SLIT3: variants seen among roughly 807,000 people sequenced by gnomAD.
SLIT3 encodes slit homolog 3 protein.
Under a neutral mutation model 184.0 loss-of-function variants are expected in SLIT3, and 68 were observed. The ratio of observed to expected loss-of-function variants is 0.37; its 90% CI spans 0.30 to 0.45. The LOEUF is 0.45. SLIT3 is among the 20% of genes least tolerant of loss of function. The probability of loss-of-function intolerance (pLI) is 1.00; values close to 1 mark genes in which losing one functional copy is unlikely to be tolerated. For synonymous variants in SLIT3, 831 were observed against 828.6 expected, an observed-to-expected ratio of 1.00 and a Z score of -0.05; for missense variants, 1,707 against 2,026.0, an observed-to-expected ratio of 0.84 and a Z score of 3.02.
chr5:169,197,345 C>A lies in SLIT3; in HGVS notation c.342-3795G>T, dbSNP rs545268318. 2.1e-4 allele frequency among the ~76,000 whole-genome samples: 32 copies of A among 152,164 alleles called. No homozygotes were observed. The East Asian group carries it at 4.1e-3, about 19-fold the overall frequency. ...AGCTAGATACTGTATTTCCAGGTAA[C>A]TCCAGGATTTACTCATATTTACTGA... On this transcript the variant is annotated intron_variant, in intron 3 of 35. Coordinates refer to ENST00000519560, the MANE Select transcript of SLIT3 (RefSeq NM_003062.4).
intron 4 of SLIT3, among the ~76,000 whole-genome samples, chr5:169,061,926 A>G (rs1758185274): frequency 6.6e-6 from 1 of 152,154 alleles, no homozygotes; most frequent in Non-Finnish European, 1.5e-5. Context: ...AGTCTATCCC[A>G]CTGCCTTGGG....
At position 169,299,138 on chromosome 5, in the gene SLIT3, G is replaced by C. The variant is rs374039701; in HGVS notation, c.197+1375C>G. 2.6e-5 allele frequency among the ~76,000 whole-genome samples: 4 copies of C among 152,252 alleles called. No individual in the cohort carries two copies. The South Asian group carries it at 8.3e-4, about 32-fold the overall frequency. On this transcript the variant is annotated intron_variant, in intron 1 of 35. Coordinates refer to ENST00000519560, the MANE Select transcript of SLIT3 (RefSeq NM_003062.4). ...TTTTACACTTCCAAGCCTGGTTTTCGACATGTGTTAATAAAGATTCGGCTC... is the reference window on the plus strand; with the variant it reads ...TTTTACACTTCCAAGCCTGGTTTTCCACATGTGTTAATAAAGATTCGGCTC...
At chr5:168,863,093 G>T (rs1471347817) in intron 5 of SLIT3, among the ~76,000 whole-genome samples, 1 of 152,118 alleles carries the variant, frequency 6.6e-6, no homozygotes, top group Non-Finnish European at 1.5e-5. Context: ...AAGCATCCAC[G>T]GACCCAAAAC....
chr5:168,685,594 C>T, intron 31 of SLIT3, 93 bp downstream of exon 31: 4 of 1,445,782 alleles, frequency 2.8e-6, no homozygotes, highest in Non-Finnish European at 3.7e-6. Context: ...TGGTGCTTTA[C>T]TGTTAAGATG....
intron 3 of SLIT3, among the ~76,000 whole-genome samples, chr5:169,197,503 T>C (rs1305454439): frequency 6.6e-6 from 1 of 152,172 alleles, no homozygotes; most frequent in African/African-American, 2.4e-5. Flanking sequence ...CATGCTGTTC[T>C]CCTGATAAAC....
chr5:169,288,234 T>C (rs1767224337), intron 1 of SLIT3, among the ~76,000 whole-genome samples: 1 of 152,196 alleles, frequency 6.6e-6, no homozygotes, highest in Admixed American at 6.5e-5. Flanking sequence ...AGGTCAGTGT[T>C]CTACACAGAG....
chr5:168,795,697 G>A (rs915694595), intron 9 of SLIT3, 119 bp from the exon 10 acceptor site: 1 of 792,150 alleles, frequency 1.3e-6, no homozygotes, highest in African/African-American at 1.7e-5. Context: ...CAGGTGCACG[G>A]TCTGGTTGTG....
At chr5:169,255,609 C>T (rs1034655007) in intron 1 of SLIT3, among the ~76,000 whole-genome samples, 36 of 152,234 alleles carry the variant, frequency 2.4e-4, no homozygotes, top group African/African-American at 5.5e-4. Flanking sequence ...GTTGGCAGGG[C>T]GCAGTGGCTC....
chr5:169,285,668 T>C (rs1345530606), intron 1 of SLIT3, among the ~76,000 whole-genome samples: 1 of 152,208 alleles, frequency 6.6e-6, no homozygotes, highest in African/African-American at 2.4e-5. Context: ...GGAGCAACCA[T>C]GTGAGAAGTT....
chr5:169,114,145 C>T (rs1400847054), intron 4 of SLIT3, among the ~76,000 whole-genome samples: 1 of 152,182 alleles, frequency 6.6e-6, no homozygotes. Flanking sequence ...TGACTGCAGT[C>T]TAGAGAGTGG....
chr5:169,185,561 C>T (rs948493162), intron 4 of SLIT3, among the ~76,000 whole-genome samples: 2 of 152,198 alleles, frequency 1.3e-5, no homozygotes, highest in African/African-American at 4.8e-5. Context: ...GTTTTCTCCA[C>T]TGGTTTTTCA....
Position 168,823,331 on chromosome 5 carries a change from A to T in SLIT3, c.558T>A (p.Leu186=), listed in dbSNP as rs751656330. Residue 186 remains leucine, a splice_region_variant and synonymous_variant, in exon 7 of 36, where the codon CTT becomes CTA. Coordinates refer to ENST00000519560, the MANE Select transcript of SLIT3 (RefSeq NM_003062.4). ...GACTGATGTTGTTGTTGTTGAGGGT[A>T]CTGTGGAGATAGACAAGGGAGATGG... ...AFRALRDLEI[L]TLNNNNISRI... is the part of the protein sequence containing the mutation. The T allele has an allele frequency of 2.0e-5, 33 of 1,612,956 alleles. No individual in the cohort carries two copies. The highest frequency in any genetic ancestry group is 1.3e-4 in the African/African-American group (10 of 74,848).
chr5:168,831,290 G>C (rs1276211068), intron 6 of SLIT3, among the ~76,000 whole-genome samples: 1 of 150,336 alleles, frequency 6.7e-6, no homozygotes, highest in African/African-American at 2.4e-5. Flanking sequence ...GGCGGGAGGA[G>C]TGAGAGAGAT....
At chr5:168,789,889 G>A (rs765272493) in intron 10 of SLIT3, 13 of 442,060 alleles carry the variant, frequency 2.9e-5, no homozygotes, top group South Asian at 8.6e-5. Flanking sequence ...ATCGGGACAC[G>A]AGGCTGTGAA....
At chr5:168,822,771 G>A (rs1757574965) in intron 7 of SLIT3, among the ~76,000 whole-genome samples, 1 of 152,184 alleles carries the variant, frequency 6.6e-6, no homozygotes, top group East Asian at 1.9e-4. Flanking sequence ...GCAGGGAAAT[G>A]TGCTGGGTGG....
intron 4 of SLIT3, among the ~76,000 whole-genome samples, chr5:169,058,011 C>A (rs755831668): frequency 6.6e-6 from 1 of 152,172 alleles, no homozygotes; most frequent in Non-Finnish European, 1.5e-5. Flanking sequence ...CTTGCCCCAG[C>A]ATGTAGTGAG....
rs149224050 is a variant in SLIT3, at chr5:168,749,629, G to A, written c.1980C>T (p.Leu660=). 29 of 1,614,166 alleles carry A rather than the reference G, an allele frequency of 1.8e-5. No homozygotes were observed. The South Asian group carries it at 2.1e-4, about 12-fold the overall frequency. Residue 660 remains leucine, a synonymous_variant, in exon 19 of 36, where the codon CTC becomes CTT. Transcript: ENST00000519560. ...TTLVSLSTIN[L]LSNPFNCNCH... ...AGTTGCAGTTGAAGGGGTTGGACAG[G>A]AGGTTTCTAGGAAGAGAGAAGGGTG...
chr5:169,126,105 C>G (rs907975224), intron 4 of SLIT3, among the ~76,000 whole-genome samples: 5 of 152,152 alleles, frequency 3.3e-5, no homozygotes, highest in African/African-American at 4.8e-5. Flanking sequence ...CTTAGAAAGT[C>G]GGGCTTTGCT....
intron 3 of SLIT3, among the ~76,000 whole-genome samples, chr5:169,235,837 T>C (rs1389467920): frequency 2.0e-5 from 3 of 152,250 alleles, no homozygotes; most frequent in Non-Finnish European, 2.9e-5. Context: ...AATATTTTCA[T>C]TGCATCATAT....
Sources: gnomAD v4.1 joint callset for allele counts (sites outside exome capture counted in the v4.1 genomes callset) on GRCh38, gnomAD v4.1.1 for gene constraint, MANE v1.5 for transcripts, NCBI Gene and HGNC (gene_info 2026-07-23, HGNC 2026-07-21) for gene names.